Variants in LRMDA observed in about 807,000 individuals in gnomAD.
LRMDA encodes the protein leucine rich melanocyte differentiation associated.
Under a neutral mutation model 29.8 loss-of-function variants are expected in LRMDA, and 18 were observed. That is an observed-to-expected ratio of 0.60 (90% CI 0.42 to 0.90). LRMDA has a LOEUF of 0.90. Ranked by LOEUF, LRMDA falls within the 40% of genes least tolerant of loss-of-function variation. The pLI is 0.00. For synonymous variants in LRMDA, 125 were observed against 109.4 expected (o/e 1.14, Z -0.89); for missense variants, 273 against 273.9 (o/e 1.00, Z 0.02).
chr10:76,205,138 G>A (rs898675735), intron 5 of LRMDA, among the ~76,000 whole-genome samples: 1 of 152,132 alleles, frequency 6.6e-6, no homozygotes, highest in Admixed American at 6.5e-5. Flanking sequence ...AAAAAAGAGA[G>A]GAAAAGCCAC....
At chr10:75,444,276 G>C (rs1250531149) in intron 2 of LRMDA, among the ~76,000 whole-genome samples, 1 of 152,184 alleles carries the variant, frequency 6.6e-6, no homozygotes, top group Non-Finnish European at 1.5e-5. Context: ...ATTTCAGGCT[G>C]TATTGTTTTT....
At chr10:75,500,708 C>G (rs909767118) in intron 2 of LRMDA, among the ~76,000 whole-genome samples, 1 of 152,108 alleles carries the variant, frequency 6.6e-6, no homozygotes, top group African/African-American at 2.4e-5. Flanking sequence ...GCACGTTTTA[C>G]ATGGTGGCAG....
intron 5 of LRMDA, among the ~76,000 whole-genome samples, chr10:76,192,700 A>G (rs1186623882): frequency 6.6e-6 from 1 of 152,220 alleles, no homozygotes. Flanking sequence ...ACATCCTATT[A>G]TGGAGGGAAA....
intron 5 of LRMDA, among the ~76,000 whole-genome samples, chr10:76,092,893 C>T (rs998433654): frequency 6.6e-6 from 1 of 152,092 alleles, no homozygotes; most frequent in African/African-American, 2.4e-5. Flanking sequence ...ATTTTTTTAT[C>T]AAATGGCTAT....
intron 5 of LRMDA, among the ~76,000 whole-genome samples, chr10:76,150,968 A>G (rs1456832546): frequency 6.6e-6 from 1 of 152,124 alleles, no homozygotes; most frequent in African/African-American, 2.4e-5. Context: ...GAGTGATGCC[A>G]GTGCTCAGAT....
At chr10:76,427,106 T>A (rs1458499994) in intron 6 of LRMDA, among the ~76,000 whole-genome samples, 4 of 152,216 alleles carry the variant, frequency 2.6e-5, no homozygotes, top group Non-Finnish European at 5.9e-5. Context: ...TGGTTCCATA[T>A]GAACTTTAAA....
intron 2 of LRMDA, among the ~76,000 whole-genome samples, chr10:75,566,174 A>G (rs1840370000): frequency 2.6e-5 from 4 of 152,218 alleles, no homozygotes; most frequent in African/African-American, 9.7e-5. Flanking sequence ...AGCAGTATCA[A>G]TGCTTTCTTC....
rs534087947 is a variant in LRMDA, at chr10:76,510,506, G to A, written c.602-46703G>A. Reference sequence around the variant, plus strand: ...ATTGGAATCCTTCCTGATCTTATAGGTAGACTGGGAAAGCATAGCTGGGAA... The same window carrying A: ...ATTGGAATCCTTCCTGATCTTATAGATAGACTGGGAAAGCATAGCTGGGAA... On this transcript the variant is annotated intron_variant, in intron 6 of 6. Coordinates refer to ENST00000611255, the MANE Select transcript of LRMDA (RefSeq NM_001305581.2). Among the ~76,000 whole-genome samples the A allele has an allele frequency of 2.6e-5, 4 of 152,206 alleles. No homozygotes were observed. In the South Asian group the frequency reaches 8.3e-4, roughly 32 times the overall value.
chr10:75,773,413 A>T (rs1437193627), intron 2 of LRMDA, among the ~76,000 whole-genome samples: 2 of 151,926 alleles, frequency 1.3e-5, no homozygotes, highest in African/African-American at 4.8e-5. Context: ...GAAGTTTGTG[A>T]CTCATGGTGG....
intron 6 of LRMDA, among the ~76,000 whole-genome samples, chr10:76,519,089 G>A (rs992131497): frequency 1.2e-4 from 18 of 152,054 alleles, no homozygotes; most frequent in African/African-American, 3.6e-4. Context: ...AGGGTGGATT[G>A]CTGGAGGAAA....
chr10:76,514,221 C>T (rs1843037482), intron 6 of LRMDA, among the ~76,000 whole-genome samples: 2 of 152,136 alleles, frequency 1.3e-5, no homozygotes. Context: ...GCAAATGCAG[C>T]TCAAAATACA....
intron 2 of LRMDA, among the ~76,000 whole-genome samples, chr10:75,498,421 G>A (rs1300060537): frequency 1.3e-5 from 2 of 152,166 alleles, no homozygotes; most frequent in Admixed American, 6.5e-5. Context: ...CTGGGAGCTG[G>A]GAGCTCCACC....
chr10:75,791,955 GT>G (rs1387742641), intron 2 of LRMDA, among the ~76,000 whole-genome samples: 1 of 149,654 alleles, frequency 6.7e-6, no homozygotes, highest in Non-Finnish European at 1.5e-5. Flanking sequence ...TGCCTCCCAG[GT>G]TCACGCCATT....
Position 75,799,699 on chromosome 10 carries a change from T to C in LRMDA, c.132-236309T>C, listed in dbSNP as rs1434861771. 4.0e-5 allele frequency among the ~76,000 whole-genome samples: 6 copies of C among 151,218 alleles called. No individual in the cohort carries two copies. In the East Asian group the frequency reaches 1.2e-3, roughly 30 times the overall value. ...CTAGCTTTGTGTGTGTGTGTGTGTG[T>C]GTGTGTGTGTGTGTGTGTGTGTGTT... On this transcript the variant is annotated intron_variant, in intron 2 of 6. Coordinates refer to ENST00000611255, the MANE Select transcript of LRMDA (RefSeq NM_001305581.2).
In LRMDA at chr10:76,559,579, C is replaced by T. The variant is rs984373921; in HGVS notation, c.*2291C>T. The T allele has an allele frequency of 6.6e-6, 1 of 152,196 alleles. No homozygotes were observed. The allele number at this position is 152,196 out of a possible 1,614,324, so 9.4% of individuals were successfully genotyped here. A position where few individuals can be genotyped will look rare whatever the true frequency, so the allele number is the denominator to read the frequency against. ...TGTGTGTTAACCAAAATTTGCTGTG[C>T]TAGAGCTAGACTTTGGTCTGAATTG... On this transcript the variant is annotated 3_prime_UTR_variant, in exon 7 of 7. Coordinates refer to ENST00000611255, the MANE Select transcript of LRMDA (RefSeq NM_001305581.2).
chr10:75,569,060 T>G (rs1564803175), intron 2 of LRMDA, among the ~76,000 whole-genome samples: 1 of 152,140 alleles, frequency 6.6e-6, no homozygotes, highest in Non-Finnish European at 1.5e-5. Flanking sequence ...TTCAGAGACT[T>G]GGATTAATGT....
At chr10:76,120,189 A>ATT (rs35999168) in intron 5 of LRMDA, among the ~76,000 whole-genome samples, 16 of 133,162 alleles carry the variant, frequency 1.2e-4, no homozygotes, top group African/African-American at 2.0e-4. Flanking sequence ...GTATGTGTTG[A>ATT]TTTTTTTTTT....
chr10:75,670,552 T>C (rs748574348), intron 2 of LRMDA, among the ~76,000 whole-genome samples: 4 of 152,156 alleles, frequency 2.6e-5, no homozygotes, highest in Non-Finnish European at 5.9e-5. Context: ...AGGAGCTGGC[T>C]TTTCCCAGTC....
chr10:75,948,621 C>T (rs1846519707), intron 2 of LRMDA, among the ~76,000 whole-genome samples: 1 of 152,024 alleles, frequency 6.6e-6, no homozygotes, highest in Admixed American at 6.5e-5. Context: ...GTGTAAAGTC[C>T]ATTAATAATT....
Sources: gnomAD v4.1 joint callset for allele counts (sites outside exome capture counted in the v4.1 genomes callset) on GRCh38, gnomAD v4.1.1 for gene constraint, MANE v1.5 for transcripts, NCBI Gene and HGNC (gene_info 2026-07-23, HGNC 2026-07-21) for gene names.